NRXN1: variants seen among roughly 807,000 people sequenced by gnomAD.
The protein encoded by NRXN1 is neurexin 1.
In NRXN1, 39 loss-of-function variants were observed where a neutral mutation model predicts 150.9. That is an observed-to-expected ratio of 0.26 (90% CI 0.20 to 0.34). The LOEUF (loss-of-function observed/expected upper bound fraction) is 0.34. NRXN1 is among the 10% of genes least tolerant of loss of function. The probability of loss-of-function intolerance (pLI) is 1.00; values close to 1 mark genes in which losing one functional copy is unlikely to be tolerated. For missense variants in NRXN1, 1,815 were observed against 1,949.9 expected (o/e 0.93, Z 1.30); for synonymous variants, 924 against 757.0 (o/e 1.22, Z -3.62).
intron 15 of NRXN1, among the ~76,000 whole-genome samples, chr2:50,482,003 C>A (rs1281228107): frequency 7.3e-6 from 1 of 136,992 alleles, no homozygotes; most frequent in Non-Finnish European, 1.5e-5. Flanking sequence ...CTCCTGACCT[C>A]GTGATCCGCC....
Position 50,084,223 on chromosome 2 carries a change from G to A in NRXN1, c.3718+7100C>T, listed in dbSNP as rs549919978. On this transcript the variant is annotated intron_variant, in intron 19 of 22. Coordinates refer to ENST00000401669, the MANE Select transcript of NRXN1 (RefSeq NM_001330078.2). The stretch of plus-strand genomic sequence containing the variant: ...GGCAGATGGAGCTGCCTGCCAGTCC[G>A]GCGCCATGCCCTTGCGCGGTGGATG... 2.6e-4 allele frequency among the ~76,000 whole-genome samples: 39 copies of A among 152,298 alleles called. No homozygotes were observed. The South Asian group carries it at 3.3e-3, about 13-fold the overall frequency.
intron 21 of NRXN1, among the ~76,000 whole-genome samples, chr2:50,031,095 T>G (rs1689109836): frequency 6.6e-6 from 1 of 152,066 alleles, no homozygotes; most frequent in South Asian, 2.1e-4. Flanking sequence ...TATACTAACA[T>G]GTAAAGCACA....
At chr2:51,012,393 C>G (rs915304540) in intron 2 of NRXN1, among the ~76,000 whole-genome samples, 7 of 151,988 alleles carry the variant, frequency 4.6e-5, no homozygotes, top group Non-Finnish European at 8.8e-5. Flanking sequence ...ATGTTTTTCA[C>G]TCTTTTAGGT....
chr2:50,919,581 GAAATTGAGA>G (rs1558421047), intron 5 of NRXN1: 2 of 151,354 alleles, frequency 1.3e-5, no homozygotes, highest in African/African-American at 4.8e-5. Context: ...GAAAAGTGGG[GAAATTGAGA>G]AAATTGCTCC....
At chr2:50,202,551 CA>C (rs1465586701) in intron 18 of NRXN1, among the ~76,000 whole-genome samples, 1 of 151,898 alleles carries the variant, frequency 6.6e-6, no homozygotes, top group African/African-American at 2.4e-5. Flanking sequence ...TGGACTTGAG[CA>C]GTAATGATAA....
chr2:50,756,148 T>A (rs1316816904), intron 5 of NRXN1, among the ~76,000 whole-genome samples: 1 of 151,774 alleles, frequency 6.6e-6, no homozygotes, highest in Admixed American at 6.6e-5. Context: ...GGTCTTTCCT[T>A]CCCACAGGGA....
At chr2:50,451,858 C>G (rs569136170) in intron 17 of NRXN1, among the ~76,000 whole-genome samples, 2 of 152,158 alleles carry the variant, frequency 1.3e-5, no homozygotes, top group Non-Finnish European at 2.9e-5. Flanking sequence ...TTTAACATAT[C>G]AAATCCTAGT....
intron 5 of NRXN1, among the ~76,000 whole-genome samples, chr2:50,646,708 C>CAT (rs1553923404): frequency 1.0e-4 from 11 of 107,438 alleles, no homozygotes; most frequent in African/African-American, 3.8e-4. Context: ...TTCATGTTGT[C>CAT]TTTTTTTTTT....
At chr2:50,165,511 G>T (rs1014132456) in intron 18 of NRXN1, among the ~76,000 whole-genome samples, 1 of 152,082 alleles carries the variant, frequency 6.6e-6, no homozygotes, top group African/African-American at 2.4e-5. Context: ...ACCACGTCTG[G>T]CTAACTTTTG....
At chr2:50,736,389 G>T (rs543317334) in intron 5 of NRXN1, among the ~76,000 whole-genome samples, 17 of 152,224 alleles carry the variant, frequency 1.1e-4, no homozygotes, top group African/African-American at 4.1e-4. Context: ...TCCTGACATA[G>T]ATGCAATTTT....
At chr2:50,619,971 G>C in intron 8 of NRXN1, 51 bp downstream of exon 8, 1 of 1,468,680 alleles carries the variant, frequency 6.8e-7, no homozygotes, top group Admixed American at 2.3e-5. Flanking sequence ...TGCTGGATCT[G>C]AAATGATGAG....
At chr2:50,411,634 C>T (rs563611777) in intron 17 of NRXN1, among the ~76,000 whole-genome samples, 6 of 151,956 alleles carry the variant, frequency 3.9e-5, no homozygotes, top group Middle Eastern at 3.4e-3. Context: ...CGTCTCTGAC[C>T]GGCCGCCCCG....
intron 5 of NRXN1, chr2:50,624,935 T>C (rs2104318120): frequency 6.6e-6 from 1 of 152,168 alleles, no homozygotes; most frequent in Non-Finnish European, 1.5e-5. Flanking sequence ...ATGTAAGCCA[T>C]AAGACCCCTT....
chr2:50,467,925 C>T (rs1243010138), intron 16 of NRXN1, among the ~76,000 whole-genome samples: 1 of 151,322 alleles, frequency 6.6e-6, no homozygotes, highest in Non-Finnish European at 1.5e-5. Context: ...AATTTTTGTT[C>T]CAAACTGTGA....
chr2:50,362,699 C>T (rs2153011251), intron 17 of NRXN1, among the ~76,000 whole-genome samples: 1 of 152,274 alleles, frequency 6.6e-6, no homozygotes, highest in South Asian at 2.1e-4. Flanking sequence ...ATGTTTTTCC[C>T]ATCAAGCTAC....
At chr2:50,298,645 A>G (rs1479865387) in intron 17 of NRXN1, among the ~76,000 whole-genome samples, 1 of 152,174 alleles carries the variant, frequency 6.6e-6, no homozygotes, top group Non-Finnish European at 1.5e-5. Flanking sequence ...TAATCTCAGG[A>G]AACAAATATT....
At chr2:50,526,681 G>C (rs1379171376) in intron 12 of NRXN1, 1 of 152,126 alleles carries the variant, frequency 6.6e-6, no homozygotes. Context: ...AAATAAAACA[G>C]AGGCAAAGGA....
At chr2:50,418,966 T>C (rs2083762450) in intron 17 of NRXN1, among the ~76,000 whole-genome samples, 1 of 152,098 alleles carries the variant, frequency 6.6e-6, no homozygotes, top group Admixed American at 6.6e-5. Context: ...CATATTTTTA[T>C]TGTAGTTAAG....
chr2:50,757,686 C>G (rs1701311960), intron 5 of NRXN1, among the ~76,000 whole-genome samples: 2 of 151,688 alleles, frequency 1.3e-5, no homozygotes. Flanking sequence ...ATTATCTTAT[C>G]ACTAGAATGG....
Sources: allele counts gnomAD v4.1 joint callset (sites outside exome capture counted in the v4.1 genomes callset), GRCh38; gene constraint gnomAD v4.1.1; transcripts MANE v1.5; gene names NCBI Gene and HGNC (gene_info 2026-07-23, HGNC 2026-07-21).